CADPS: variants seen among roughly 807,000 people sequenced by gnomAD.
The protein encoded by CADPS is calcium dependent secretion activator.
Under a neutral mutation model 167.3 loss-of-function variants are expected in CADPS, and 57 were observed. The ratio of observed to expected loss-of-function variants is 0.34; its 90% CI spans 0.28 to 0.42. The LOEUF is 0.42. CADPS is among the 20% of genes least tolerant of loss of function. The pLI, the probability that CADPS is intolerant of heterozygous loss-of-function variation, is 1.00. For missense variants in CADPS, 1,414 were observed against 1,738.1 expected, an observed-to-expected ratio of 0.81 and a Z score of 3.32; for synonymous variants, 676 against 635.3, an observed-to-expected ratio of 1.06 and a Z score of -0.96.
intron 1 of CADPS, among the ~76,000 whole-genome samples, chr3:62,820,796 T>G (rs1163528623): frequency 1.6e-4 from 2 of 12,886 alleles, no homozygotes; most frequent in Non-Finnish European, 6.1e-4. Flanking sequence ...TTTTTTTTGG[T>G]TTTTTTTTTT....
At chr3:62,628,145 G>T (rs1451930353) in intron 6 of CADPS, among the ~76,000 whole-genome samples, 1 of 152,160 alleles carries the variant, frequency 6.6e-6, no homozygotes, top group East Asian at 1.9e-4. Flanking sequence ...AGCATATCCA[G>T]ATTGGAGAGA....
chr3:62,585,133 A>G, intron 8 of CADPS, 52 bp downstream of exon 8: 1 of 1,546,444 alleles, frequency 6.5e-7, no homozygotes, highest in East Asian at 2.3e-5. Flanking sequence ...TTTCATTTTG[A>G]GAAATGAACA....
At chr3:62,565,429 C>G (rs1408071891) in intron 9 of CADPS, among the ~76,000 whole-genome samples, 1 of 152,126 alleles carries the variant, frequency 6.6e-6, no homozygotes, top group African/African-American at 2.4e-5. Context: ...TAATGACCTC[C>G]AAGGCAGTGT....
intron 1 of CADPS, chr3:62,796,566 A>G (rs2093421390): frequency 6.6e-6 from 1 of 152,206 alleles, no homozygotes; most frequent in Admixed American, 6.6e-5. Flanking sequence ...TTAAAAAGAC[A>G]TTAAAAATTT....
At chr3:62,402,533 A>G (rs891995488) in intron 29 of CADPS, among the ~76,000 whole-genome samples, 2 of 152,212 alleles carry the variant, frequency 1.3e-5, no homozygotes, top group African/African-American at 4.8e-5. Context: ...CAAGGGAAAA[A>G]GCTACTTTCA....
chr3:62,429,720 A>AC, intron 28 of CADPS, among the ~76,000 whole-genome samples: 2 of 151,526 alleles, frequency 1.3e-5, no homozygotes, highest in Middle Eastern at 3.4e-3. Context: ...AAAAAAAAAA[A>AC]CCCCTGTTCT....
At chr3:62,773,093 G>A (rs1414413894) in intron 1 of CADPS, among the ~76,000 whole-genome samples, 1 of 151,846 alleles carries the variant, frequency 6.6e-6, no homozygotes, top group Admixed American at 6.6e-5. Context: ...AAAATCATCA[G>A]CTAATCTAGA....
intron 1 of CADPS, among the ~76,000 whole-genome samples, chr3:62,830,563 G>A (rs567490152): frequency 6.6e-6 from 1 of 152,290 alleles, no homozygotes; most frequent in East Asian, 1.9e-4. Flanking sequence ...AATGGCTACA[G>A]GTGCTAGAAG....
At chr3:62,867,215 G>C (rs1485141788) in intron 1 of CADPS, among the ~76,000 whole-genome samples, 3 of 151,946 alleles carry the variant, frequency 2.0e-5, no homozygotes, top group Admixed American at 6.6e-5. Context: ...ATTAGGACTT[G>C]AAAAAGGCAG....
chr3:62,547,194 G>A (rs1446806665), intron 11 of CADPS, among the ~76,000 whole-genome samples: 1 of 152,008 alleles, frequency 6.6e-6, no homozygotes, highest in Admixed American at 6.6e-5. Context: ...GGATAATAAA[G>A]TAACCATGGG....
chr3:62,874,798 G>GC lies in CADPS; in HGVS notation c.231dup (p.Leu78AlafsTer57), dbSNP rs2083360215. 3 of 1,197,100 alleles carry GC rather than the reference G, an allele frequency of 2.5e-6. No homozygotes were observed. The highest frequency in any genetic ancestry group is 3.2e-6 in the Non-Finnish European group (3 of 932,500). The allele number at this position is 1,197,100 out of a possible 1,614,324, so 74.2% of individuals were successfully genotyped here. On this transcript the variant is annotated frameshift_variant, in exon 1 of 30. Coordinates refer to ENST00000383710, the MANE Select transcript of CADPS (RefSeq NM_003716.4). LOFTEE classifies it high-confidence loss of function. The surrounding 1 kb of genome is among the most constrained non-coding windows in gnomAD (Gnocchi z 7.1). ...CCGCCAGCGCGGCTGCTGGGTTGCA[G>GC]CCCCCCGGCCCCGCCGCCGCTGCTC...
intron 10 of CADPS, among the ~76,000 whole-genome samples, chr3:62,550,375 T>C (rs1261150362): frequency 6.6e-6 from 1 of 152,036 alleles, no homozygotes; most frequent in African/African-American, 2.4e-5. Flanking sequence ...GCTTGGGGGA[T>C]AAACATCTGC....
At chr3:62,720,672 A>G (rs955221036) in intron 3 of CADPS, among the ~76,000 whole-genome samples, 11 of 151,964 alleles carry the variant, frequency 7.2e-5, no homozygotes, top group African/African-American at 2.2e-4. Context: ...CAGTATACAG[A>G]TGGAGAAATT....
At position 62,491,585 on chromosome 3, in the gene CADPS, AG is replaced by A. The variant is rs1387792509; in HGVS notation, c.2885-106del. ...CACACACACACACACACACACACACAGATGATTGATTGTCTTCTACATTAAA... is the reference window on the plus strand; with the variant it reads ...CACACACACACACACACACACACACAATGATTGATTGTCTTCTACATTAAA... On this transcript the variant is annotated intron_variant, in intron 20 of 29. Coordinates refer to ENST00000383710, the MANE Select transcript of CADPS (RefSeq NM_003716.4). 10 of 973,420 alleles carry A rather than the reference AG, an allele frequency of 1.0e-5. No homozygotes were observed. The East Asian group carries it at 2.5e-4, about 25-fold the overall frequency. 60.3% of individuals were successfully genotyped at this position (973,420 alleles called of 1,614,324 possible). A position where few individuals can be genotyped will look rare whatever the true frequency, so the allele number is the denominator to read the frequency against.
chr3:62,691,401 T>C (rs1483676440), intron 3 of CADPS, among the ~76,000 whole-genome samples: 6 of 151,912 alleles, frequency 3.9e-5, no homozygotes, highest in African/African-American at 1.5e-4. Context: ...ATGTTGGTAG[T>C]AGGGGAGGCT....
At chr3:62,419,001 T>C (rs571997098) in intron 28 of CADPS, among the ~76,000 whole-genome samples, 5 of 152,200 alleles carry the variant, frequency 3.3e-5, no homozygotes, top group Admixed American at 1.3e-4. Flanking sequence ...GCAGGACATA[T>C]CACAGCAAAA....
chr3:62,759,838 C>G (rs2084954032), intron 2 of CADPS, among the ~76,000 whole-genome samples: 1 of 152,074 alleles, frequency 6.6e-6, no homozygotes, highest in South Asian at 2.1e-4. Context: ...CTTTCACGGT[C>G]ATTTGAAACA....
At chr3:62,479,799 C>T (rs112662578) in intron 22 of CADPS, among the ~76,000 whole-genome samples, 1,524 of 152,312 alleles carry the variant, frequency 0.01, 9 homozygotes, top group East Asian at 0.027. Flanking sequence ...AGAATCCACG[C>T]CTTCTTTTCA....
intron 1 of CADPS, among the ~76,000 whole-genome samples, chr3:62,809,268 C>T (rs1453938105): frequency 6.6e-6 from 1 of 152,174 alleles, no homozygotes; most frequent in Non-Finnish European, 1.5e-5. Context: ...CTTCCAATGG[C>T]TTTCCATTGC....
Sources: gnomAD v4.1 joint callset for allele counts (sites outside exome capture counted in the v4.1 genomes callset) on GRCh38, gnomAD v4.1.1 for gene constraint, Gnocchi (gnomAD v3.1) non-coding constraint, MANE v1.5 for transcripts, NCBI Gene and HGNC (gene_info 2026-07-23, HGNC 2026-07-21) for gene names.